The following ABCA3 variants were observed in gnomAD, a reference collection of about 807,000 sequenced individuals.
The protein encoded by ABCA3 is ATP binding cassette subfamily A member 3.
ABCA3 carries 88 observed loss-of-function variants against 172.8 expected under a neutral mutation model. The observed-to-expected ratio is 0.51, with a 90% CI of 0.43 to 0.61. ABCA3 has a LOEUF of 0.61. Ranked by LOEUF, ABCA3 falls within the 20% of genes least tolerant of loss-of-function variation. ABCA3 has a pLI of 0.00. For missense variants in ABCA3, 2,164 were observed against 2,301.0 expected (o/e 0.94, Z 1.22); for synonymous variants, 1,066 against 983.8 (o/e 1.08, Z -1.56).
chr16:2,326,959 G>T (rs964341880), intron 3 of ABCA3, among the ~76,000 whole-genome samples: 13 of 152,128 alleles, frequency 8.5e-5, no homozygotes, highest in African/African-American at 3.1e-4. Context: ...CTGCCCTCCA[G>T]CCTGGGGGCA....
chr16:2,286,238 T>C lies in ABCA3; in HGVS notation c.3278+456A>G, dbSNP rs769401605. 6.6e-6 allele frequency among the ~76,000 whole-genome samples: 1 copy of C among 151,728 alleles called. No homozygotes were observed. The highest frequency in any genetic ancestry group is 1.5e-5 in the Non-Finnish European group (1 of 67,864). On this transcript the variant is annotated intron_variant, in intron 22 of 32. Transcript: ENST00000301732. The surrounding 1 kb of genome is among the most constrained non-coding windows in gnomAD (Gnocchi z 5.2). ...AGCTCTGGGGGCTCTGTGGCCGGCA[T>C]AGGGGGTAGCCCTGCCCACACAATG...
At chr16:2,298,235 G>A (rs1322741223) in intron 15 of ABCA3, 151 bp downstream of exon 15, 72 of 1,305,018 alleles carry the variant, frequency 5.5e-5, no homozygotes, top group Non-Finnish European at 7.4e-5. Context: ...AGGTTCTGGT[G>A]AGAGGAACCT....
intron 7 of ABCA3, among the ~76,000 whole-genome samples, chr16:2,321,728 G>A (rs1215059121): frequency 6.6e-6 from 1 of 152,112 alleles, no homozygotes; most frequent in Non-Finnish European, 1.5e-5. Flanking sequence ...ACACACTGAT[G>A]GGGCATCAGA....
intron 7 of ABCA3, among the ~76,000 whole-genome samples, chr16:2,321,893 C>A (rs929877516): frequency 1.3e-5 from 2 of 152,066 alleles, no homozygotes; most frequent in African/African-American, 4.8e-5. Context: ...TGAACTCAAA[C>A]GGGAGCTTTT....
At chr16:2,334,134 C>CAGGGAGATGGCCCGGG (rs2093747815) in intron 1 of ABCA3, among the ~76,000 whole-genome samples, 1 of 152,098 alleles carries the variant, frequency 6.6e-6, no homozygotes, top group Non-Finnish European at 1.5e-5. Flanking sequence ...GCGAGCAAGA[C>CAGGGAGATGGCCCGGG]AGGGAGATGG....
In ABCA3 at chr16:2,308,433, A is replaced by C. The variant is rs757462675; in HGVS notation, c.1285+17T>G. On this transcript the variant is annotated intron_variant, in intron 11 of 32. Coordinates refer to ENST00000301732, the MANE Select transcript of ABCA3 (RefSeq NM_001089.3). ...TACTGATTCGGAAAGAACAGGCTGG[A>C]CAAGGCAAACACTCACCTTTCGCCT... The C allele has an allele frequency of 1.1e-4, 179 of 1,613,900 alleles. No individual in the cohort carries two copies. Among genetic ancestry groups the C allele is most frequent in the Non-Finnish European group, 1.4e-4 (168 of 1,179,908 alleles).
At chr16:2,323,415 G>C in intron 7 of ABCA3, 108 bp downstream of exon 7, 8 of 1,445,372 alleles carry the variant, frequency 5.5e-6, no homozygotes, top group Non-Finnish European at 7.8e-6. Context: ...CAAATGTCCT[G>C]AAAAGTATTT....
chr16:2,285,089 C>T lies in ABCA3; in HGVS notation c.3484-91G>A. The T allele has an allele frequency of 7.2e-7, 1 of 1,395,102 alleles. No homozygotes were observed. Among genetic ancestry groups the T allele is most frequent in the South Asian group, 1.2e-5 (1 of 81,338 alleles). 86.4% of individuals were successfully genotyped at this position (1,395,102 alleles called of 1,614,324 possible). On this transcript the variant is annotated intron_variant, in intron 23 of 32. Transcript: ENST00000301732. The surrounding 1 kb of genome is among the most constrained non-coding windows in gnomAD (Gnocchi z 4.7). ...GGTGAGAGGAGCATTTGGAGGTCCT[C>T]AGACCCCTCCCGGTCAGCTGGCCCA...
intron 13 of ABCA3, 36 bp from the exon 14 acceptor site, chr16:2,299,568 C>T: frequency 6.2e-7 from 1 of 1,609,986 alleles, no homozygotes; most frequent in Non-Finnish European, 8.5e-7. Flanking sequence ...GGGCTACCCA[C>T]AGCCCCGAGG....
Position 2,281,406 on chromosome 16 carries a change from G to A in ABCA3, c.4139C>T (p.Pro1380Leu). ...APSPDSLLHTPLIIKELSKVY... is the reference protein window; with the variant it reads ...APSPDSLLHTLLIIKELSKVY... Reference sequence around the variant, plus strand: ...CTTGGAGAGCTCCTTGATAATCAGAGGTGTGTGGAGCAGGGAGTCCGGACT... The same window carrying A: ...CTTGGAGAGCTCCTTGATAATCAGAAGTGTGTGGAGCAGGGAGTCCGGACT... Residue 1380 changes from proline to leucine, a missense_variant, in exon 27 of 33, where the codon CCT becomes CTT. Coordinates refer to ENST00000301732, the MANE Select transcript of ABCA3 (RefSeq NM_001089.3). This position sits in a 1 kb window ranked among gnomAD's most constrained non-coding sequence, Gnocchi z 4.7. 6.2e-7 allele frequency: 1 copy of A among 1,613,760 alleles called. No homozygotes were observed. Among genetic ancestry groups the A allele is most frequent in the Non-Finnish European group, 8.5e-7 (1 of 1,179,986 alleles).
In ABCA3 at chr16:2,326,413, C is replaced by G. The variant is rs1379570761; in HGVS notation, c.54G>C (p.Gln18His). Reference sequence around the variant, plus strand: ...ACCTCCCTCCAGAGTCTGGACGCACCTGCAGGGTGTAGTTCTTCCAGAGGA... The same window carrying G: ...ACCTCCCTCCAGAGTCTGGACGCACGTGCAGGGTGTAGTTCTTCCAGAGGA... ...ALLLWKNYTL[Q>H]KRKVLVTVLE... Residue 18 changes from glutamine (Q) to histidine (H), a missense_variant and splice_region_variant, in exon 4 of 33, where the codon CAG becomes CAC. Coordinates refer to ENST00000301732, the MANE Select transcript of ABCA3 (RefSeq NM_001089.3). 6.2e-7 allele frequency: 1 copy of G among 1,612,878 alleles called. No homozygotes were observed. The highest frequency in any genetic ancestry group is 1.3e-5 in the African/African-American group (1 of 74,908).
rs1039605683 is a variant in ABCA3 at position 2,340,703 on chromosome 16, G to A, written c.-669C>T. 6 of 150,578 alleles carry A rather than the reference G, an allele frequency of 4.0e-5. No individual in the cohort carries two copies. The highest frequency in any genetic ancestry group is 1.3e-4 in the Admixed American group (2 of 15,136). 9.3% of individuals were successfully genotyped at this position (150,578 alleles called of 1,614,324 possible). On this transcript the variant is annotated 5_prime_UTR_variant, in exon 1 of 33. Coordinates refer to ENST00000301732, the MANE Select transcript of ABCA3 (RefSeq NM_001089.3). ...GACAGCTGCGTGGCCGCCCTGGAGG[G>A]GAGGGTGCGCCTGCAACCCGCTACT...
chr16:2,291,690 G>A lies in ABCA3; in HGVS notation c.2513+450C>T, dbSNP rs559243569. ...AATCTGCACTTGGGGCTCTGACGGC[G>A]GCCACTGCCCGCCCCACCCCAGGCT... On this transcript the variant is annotated intron_variant, in intron 19 of 32. Coordinates refer to ENST00000301732, the MANE Select transcript of ABCA3 (RefSeq NM_001089.3). Among the ~76,000 whole-genome samples the A allele has an allele frequency of 5.9e-5, 9 of 152,274 alleles. No homozygotes were observed. In the East Asian group the frequency reaches 1.4e-3, roughly 23 times the overall value.
At chr16:2,276,890 CTGA>C (rs2093647297) in intron 32 of ABCA3, 85 bp from the exon 33 acceptor site, 1 of 1,563,696 alleles carries the variant, frequency 6.4e-7, no homozygotes, top group Non-Finnish European at 8.7e-7. Flanking sequence ...GCAATAGGGG[CTGA>C]TGAGGCCCCC....
chr16:2,308,685 C>G, intron 10 of ABCA3, 62 bp from the exon 11 acceptor site: 8 of 1,598,378 alleles, frequency 5.0e-6, no homozygotes, highest in Non-Finnish European at 6.0e-6. Context: ...GGCTTGGGCT[C>G]CCCGAGGTAC....
rs199720998 is a variant in ABCA3, at chr16:2,284,261, C to T, written c.3862+18G>A. ...AGGACGCAGGGGTGCTGCCCGGGGT[C>T]GGGGCTGGGACACTCACTATATTTC... On this transcript the variant is annotated intron_variant, in intron 25 of 32. Transcript: ENST00000301732. This position sits in a 1 kb window ranked among gnomAD's most constrained non-coding sequence, Gnocchi z 5.9. The T allele has an allele frequency of 4.2e-5, 67 of 1,608,922 alleles. No individual in the cohort carries two copies. In the East Asian group the frequency reaches 7.8e-4, roughly 19 times the overall value.
rs756165833 is a variant in ABCA3 at position 2,283,362 on chromosome 16, T to G, written c.3863-4A>C. ...AAGTTCTCCTGGTACTGGATGTCTG[T>G]GGGGCGAGGGAGTCACTGTGCCCCG... On this transcript the variant is annotated splice_region_variant and splice_polypyrimidine_tract_variant and intron_variant, in intron 25 of 32. Transcript: ENST00000301732. This position sits in a 1 kb window ranked among gnomAD's most constrained non-coding sequence, Gnocchi z 5.4. 1 of 1,612,368 alleles carries G rather than the reference T, an allele frequency of 6.2e-7. No individual in the cohort carries two copies. The highest frequency in any genetic ancestry group is 8.5e-7 in the Non-Finnish European group (1 of 1,179,768).
chr16:2,322,371 ATTTC>A (rs950268404), intron 7 of ABCA3, among the ~76,000 whole-genome samples: 7 of 151,546 alleles, frequency 4.6e-5, no homozygotes, highest in Middle Eastern at 3.4e-3. Flanking sequence ...CCTGAAAAGT[ATTTC>A]TTTCTTTTTT....
intron 28 of ABCA3, among the ~76,000 whole-genome samples, chr16:2,280,115 A>ACTCT (rs145879113): frequency 4.7e-5 from 7 of 150,058 alleles, no homozygotes; most frequent in Non-Finnish European, 1.0e-4. Flanking sequence ...ACCCCCTGCC[A>ACTCT]CTCTCTCTCT....
Sources: gnomAD v4.1 joint callset for allele counts (sites outside exome capture counted in the v4.1 genomes callset) on GRCh38, gnomAD v4.1.1 for gene constraint, Gnocchi (gnomAD v3.1) non-coding constraint, MANE v1.5 for transcripts, NCBI Gene and HGNC (gene_info 2026-07-23, HGNC 2026-07-21) for gene names.